Variants in CAMTA1 observed in about 807,000 individuals in gnomAD.
CAMTA1 encodes calmodulin-binding transcription activator 1.
In CAMTA1, 27 loss-of-function variants were observed where a neutral mutation model predicts 170.9. The observed-to-expected ratio is 0.16, with a 90% confidence interval of 0.12 to 0.22. The LOEUF is 0.22. Among genes scored for constraint, CAMTA1 ranks in the 10% least tolerant of loss-of-function variants. CAMTA1 has a pLI of 1.00. For synonymous variants in CAMTA1, 833 were observed against 891.5 expected, an observed-to-expected ratio of 0.93 and a Z score of 1.17; for missense variants, 1,619 against 2,217.2, an observed-to-expected ratio of 0.73 and a Z score of 5.42.
intron 3 of CAMTA1, among the ~76,000 whole-genome samples, chr1:6,833,731 G>A (rs529168376): frequency 2.3e-4 from 35 of 152,238 alleles, no homozygotes; most frequent in African/African-American, 7.0e-4. Flanking sequence ...ACACTACTGG[G>A]TACTAGGGGA....
At chr1:7,730,620 G>A (rs2096724592) in intron 11 of CAMTA1, among the ~76,000 whole-genome samples, 1 of 152,208 alleles carries the variant, frequency 6.6e-6, no homozygotes, top group African/African-American at 2.4e-5. Flanking sequence ...GGTGTGGCCA[G>A]GCACGGGGTT....
intron 3 of CAMTA1, among the ~76,000 whole-genome samples, chr1:6,915,326 T>G (rs992961875): frequency 6.6e-6 from 1 of 152,192 alleles, no homozygotes. Context: ...TGTGGTTAGG[T>G]ATGTGCATTC....
chr1:7,061,386 C>T (rs964062804), intron 3 of CAMTA1, among the ~76,000 whole-genome samples: 9 of 152,310 alleles, frequency 5.9e-5, no homozygotes, highest in South Asian at 2.1e-4. Flanking sequence ...TGGCTGCTGG[C>T]GAGCGGGTGT....
intron 3 of CAMTA1, among the ~76,000 whole-genome samples, chr1:6,968,343 C>T (rs553213430): frequency 6.6e-6 from 1 of 152,334 alleles, no homozygotes; most frequent in South Asian, 2.1e-4. Flanking sequence ...GCCCTTGCCC[C>T]TCTCCCGTCC....
intron 3 of CAMTA1, among the ~76,000 whole-genome samples, chr1:6,985,094 C>T (rs1695135857): frequency 6.6e-6 from 1 of 152,240 alleles, no homozygotes; most frequent in Admixed American, 6.5e-5. Flanking sequence ...GAAGCCCACA[C>T]CGATTACAAG....
At chr1:7,554,763 T>C (rs2150208215) in intron 6 of CAMTA1, among the ~76,000 whole-genome samples, 1 of 152,238 alleles carries the variant, frequency 6.6e-6, no homozygotes, top group African/African-American at 2.4e-5. Flanking sequence ...AATGACCTTC[T>C]GAGGTTGTCC....
chr1:7,579,265 T>A (rs796461536), intron 6 of CAMTA1, among the ~76,000 whole-genome samples: 3 of 152,304 alleles, frequency 2.0e-5, no homozygotes, highest in African/African-American at 7.2e-5. Flanking sequence ...ATGGTTGCCG[T>A]CCCTGGCCTG....
At chr1:6,825,309 TA>T in intron 3 of CAMTA1, 99 bp downstream of exon 3, 1 of 627,374 alleles carries the variant, frequency 1.6e-6, no homozygotes, top group Non-Finnish European at 2.9e-6. Flanking sequence ...AAATTTAAAA[TA>T]CTGATCTAGG....
In CAMTA1 at chr1:7,482,470, C is replaced by T. The variant is rs1450998699; in HGVS notation, c.510+14569C>T. On this transcript the variant is annotated intron_variant, in intron 6 of 22. Coordinates refer to ENST00000303635, the MANE Select transcript of CAMTA1 (RefSeq NM_015215.4). The surrounding 1 kb of genome is among the most constrained non-coding windows in gnomAD (Gnocchi z 4.2). Reference sequence around the variant, plus strand: ...CGGTAAAGACACCAGAATGGATGCGCTCTCCACGCAGTGTGTCCCCACCTC... The same window carrying T: ...CGGTAAAGACACCAGAATGGATGCGTTCTCCACGCAGTGTGTCCCCACCTC... Among the ~76,000 whole-genome samples, 1 of 152,200 alleles carries T rather than the reference C, an allele frequency of 6.6e-6. No individual in the cohort carries two copies. Among genetic ancestry groups the T allele is most frequent in the Non-Finnish European group, 1.5e-5 (1 of 68,032 alleles).
chr1:7,301,371 T>G (rs1472740516), intron 5 of CAMTA1, among the ~76,000 whole-genome samples: 1 of 152,246 alleles, frequency 6.6e-6, no homozygotes, highest in African/African-American at 2.4e-5. Context: ...CTGCTCTAAT[T>G]GTTGTACCAA....
chr1:7,046,939 A>G (rs1264640818), intron 3 of CAMTA1, among the ~76,000 whole-genome samples: 5 of 152,160 alleles, frequency 3.3e-5, no homozygotes, highest in African/African-American at 1.2e-4. Context: ...CTGAGAGTTG[A>G]TATTTCTGTT....
At chr1:6,956,064 C>T (rs1158350100) in intron 3 of CAMTA1, among the ~76,000 whole-genome samples, 1 of 152,150 alleles carries the variant, frequency 6.6e-6, no homozygotes, top group Admixed American at 6.5e-5. Context: ...TGAGCGTCGC[C>T]TCAGTTTCAT....
At chr1:7,684,326 A>G (rs1027232115) in intron 11 of CAMTA1, among the ~76,000 whole-genome samples, 1 of 152,152 alleles carries the variant, frequency 6.6e-6, no homozygotes, top group Non-Finnish European at 1.5e-5. Context: ...GTGCATGACT[A>G]TGGCAGCTCA....
intron 3 of CAMTA1, among the ~76,000 whole-genome samples, chr1:6,974,671 G>A (rs1040860994): frequency 3.9e-5 from 6 of 152,158 alleles, no homozygotes; most frequent in Admixed American, 2.6e-4. Context: ...CCGCACGGAC[G>A]TCCTGGAAGA....
At chr1:7,431,931 T>C (rs2092178682) in intron 5 of CAMTA1, among the ~76,000 whole-genome samples, 1 of 152,084 alleles carries the variant, frequency 6.6e-6, no homozygotes, top group African/African-American at 2.4e-5. Flanking sequence ...GAGCCACTCA[T>C]CCTACCAGAC....
At chr1:7,126,171 G>T (rs1273856350) in intron 4 of CAMTA1, among the ~76,000 whole-genome samples, 1 of 152,096 alleles carries the variant, frequency 6.6e-6, no homozygotes, top group Non-Finnish European at 1.5e-5. Flanking sequence ...ATCTCCCACT[G>T]GGTCCCTCCC....
In CAMTA1 at chr1:6,860,901, G is replaced by T. The variant is rs569153178; in HGVS notation, c.234+35691G>T. ...CCCTCCAGCCTGGGTGACAGAGTGAGACTCCATCTCAAAAAAACAAAACAA... is the reference window on the plus strand; with the variant it reads ...CCCTCCAGCCTGGGTGACAGAGTGATACTCCATCTCAAAAAAACAAAACAA... On this transcript the variant is annotated intron_variant, in intron 3 of 22. Transcript: ENST00000303635. 4.0e-5 allele frequency among the ~76,000 whole-genome samples: 6 copies of T among 150,362 alleles called. No individual in the cohort carries two copies. In the South Asian group the frequency reaches 1.1e-3, roughly 26 times the overall value.
chr1:7,266,662 A>G (rs1668984221), intron 5 of CAMTA1, among the ~76,000 whole-genome samples: 1 of 152,204 alleles, frequency 6.6e-6, no homozygotes, highest in Non-Finnish European at 1.5e-5. Context: ...ACAGTGTGCA[A>G]TGCATATGCC....
At chr1:7,652,673 G>C (rs1037729516) in intron 7 of CAMTA1, among the ~76,000 whole-genome samples, 19 of 152,124 alleles carry the variant, frequency 1.2e-4, no homozygotes, top group African/African-American at 4.1e-4. Flanking sequence ...AAGGGGCCGA[G>C]GGAAACCAGA....
Sources: allele counts gnomAD v4.1 joint callset (sites outside exome capture counted in the v4.1 genomes callset), GRCh38; gene constraint gnomAD v4.1.1; non-coding constraint Gnocchi (gnomAD v3.1); transcripts MANE v1.5; gene names NCBI Gene and HGNC (gene_info 2026-07-23, HGNC 2026-07-21).